PCDHA7: variants seen among roughly 807,000 people sequenced by gnomAD.
The protein encoded by PCDHA7 is protocadherin alpha-7.
A neutral mutation model predicts 57.2 loss-of-function variants in PCDHA7; 37 were observed. The ratio of observed to expected loss-of-function variants is 0.65; its 90% CI spans 0.50 to 0.85. The LOEUF (loss-of-function observed/expected upper bound fraction) is 0.85, where lower values mean the gene tolerates loss of function less well. PCDHA7 is among the 40% of genes least tolerant of loss of function. The pLI, the probability that PCDHA7 is intolerant of heterozygous loss-of-function variation, is 0.00. For synonymous variants in PCDHA7, 553 were observed against 558.8 expected (o/e 0.99, Z 0.15); for missense variants, 1,188 against 1,241.8 (o/e 0.96, Z 0.65).
In PCDHA7 at chr5:140,931,701, A is replaced by G. The variant is rs78657610; in HGVS notation, c.2356-47248A>G. Among the ~76,000 whole-genome samples the G allele has an allele frequency of 8.3e-3, 1,259 of 152,106 alleles. 10 individuals are homozygous for G. Among genetic ancestry groups the G allele is most frequent in the Non-Finnish European group, 0.014 (970 of 67,850 alleles). ...TAAATGAATTGTGATTCATAAAACC[A>G]TGAATAAAATAACTTCTATAAATAT... On this transcript the variant is annotated intron_variant, in intron 1 of 3. Coordinates refer to ENST00000525929, the MANE Select transcript of PCDHA7 (RefSeq NM_018910.3).
intron 1 of PCDHA7, chr5:140,861,392 G>A (rs2046897620): frequency 2.2e-6 from 1 of 451,822 alleles, no homozygotes; most frequent in Non-Finnish European, 4.5e-6. Context: ...ACCTGGGTCT[G>A]GAGCTTGTGG....
chr5:140,966,651 C>A, intron 1 of PCDHA7: 1 of 1,159,980 alleles, frequency 8.6e-7, no homozygotes, highest in Non-Finnish European at 1.1e-6. Flanking sequence ...AGAGCGTGAG[C>A]GGTGGGGGAG....
intron 1 of PCDHA7, among the ~76,000 whole-genome samples, chr5:140,840,978 T>C (rs1453461465): frequency 6.6e-6 from 1 of 152,022 alleles, no homozygotes; most frequent in African/African-American, 2.4e-5. Context: ...GAAGAAGAAA[T>C]CCCTAGCTGA....
In PCDHA7 at chr5:140,937,572, G is replaced by C. The variant is rs113857647; in HGVS notation, c.2356-41377G>C. On this transcript the variant is annotated intron_variant, in intron 1 of 3. Transcript: ENST00000525929. ...GCAGAGGTTGCAGTGAGCTGGGATC[G>C]CGTCACTGCACTCTAGCCTGGGCAA... Among the ~76,000 whole-genome samples, 273 of 151,500 alleles carry C rather than the reference G, an allele frequency of 1.8e-3. 1 individual carries two copies. Among genetic ancestry groups the C allele is most frequent in the African/African-American group, 6.4e-3 (263 of 41,048 alleles).
chr5:140,914,590 T>C (rs886666163), intron 1 of PCDHA7, among the ~76,000 whole-genome samples: 1 of 152,208 alleles, frequency 6.6e-6, no homozygotes, highest in African/African-American at 2.4e-5. Flanking sequence ...TTCATTTAAG[T>C]AGGAACTTCC....
At position 140,849,790 on chromosome 5, in the gene PCDHA7, C is replaced by T. The variant is rs2150450402; in HGVS notation, c.2355+13052C>T. The T allele has an allele frequency of 6.1e-5, 97 of 1,598,120 alleles. 10 individuals are homozygous for T. Among genetic ancestry groups the T allele is most frequent in the Middle Eastern group, 1.7e-4 (1 of 5,854 alleles). On this transcript the variant is annotated intron_variant, in intron 1 of 3. Transcript: ENST00000525929. The stretch of plus-strand genomic sequence containing the variant: ...GTGGTTACCGCGCGGGACGGGGGCT[C>T]GCCTTCACTGTGGGCCACGGCCAGG...
intron 1 of PCDHA7, chr5:140,843,360 C>T (rs2150358233): frequency 3.1e-6 from 5 of 1,595,970 alleles, no homozygotes; most frequent in East Asian, 2.2e-5. Context: ...AAAGCGTCAT[C>T]GAGGCAGTCG....
At chr5:140,851,058 T>G in intron 1 of PCDHA7, 1 of 1,377,986 alleles carries the variant, frequency 7.3e-7, no homozygotes, top group African/African-American at 1.5e-5. Context: ...TTGTCTTGAC[T>G]TCTAGTGAGA....
chr5:140,841,621 G>C (rs781902727), intron 1 of PCDHA7: 2 of 1,614,032 alleles, frequency 1.2e-6, no homozygotes, highest in African/African-American at 1.3e-5. Context: ...GGCGGAGCGC[G>C]GAGTGCAGCA....
chr5:140,882,485 G>C, intron 1 of PCDHA7: 3 of 1,614,106 alleles, frequency 1.9e-6, no homozygotes, highest in Non-Finnish European at 2.5e-6. Flanking sequence ...AAGACACGGG[G>C]ACCTTCTGGA....
At chr5:140,848,789 G>A in intron 1 of PCDHA7, 1 of 1,593,198 alleles carries the variant, frequency 6.3e-7, no homozygotes, top group East Asian at 2.2e-5. Flanking sequence ...TGTGCGGGCG[G>A]AGCGCGGAGT....
intron 1 of PCDHA7, among the ~76,000 whole-genome samples, chr5:140,898,600 G>A (rs2066865388): frequency 6.6e-6 from 1 of 152,184 alleles, no homozygotes; most frequent in Non-Finnish European, 1.5e-5. Context: ...TAGCCTTGTA[G>A]TATAGTTTGA....
intron 1 of PCDHA7, among the ~76,000 whole-genome samples, chr5:140,964,690 A>G (rs1554227180): frequency 2.6e-5 from 4 of 152,036 alleles, no homozygotes. Context: ...TGTGCACTTG[A>G]GAGATTAAGG....
At position 140,968,158 on chromosome 5, in the gene PCDHA7, C is replaced by T. The variant is rs191279827; in HGVS notation, c.2356-10791C>T. The T allele has an allele frequency of 3.7e-6, 6 of 1,614,124 alleles. No individual in the cohort carries two copies. The African/African-American group carries it at 4.0e-5, about 11-fold the overall frequency. On this transcript the variant is annotated intron_variant, in intron 1 of 3. Transcript: ENST00000525929. ...AGGTTGAGATCTCTGACATCAATGA[C>T]AATCCACCAAGCTTCCTGGAGGACT...
intron 1 of PCDHA7, chr5:140,870,108 C>T (rs1317421695): frequency 1.2e-6 from 2 of 1,613,788 alleles, no homozygotes; most frequent in Non-Finnish European, 1.7e-6. Context: ...ACTGTACAGT[C>T]TGGGTGGAAA....
At chr5:140,915,626 G>GTCTC (rs57920489) in intron 1 of PCDHA7, among the ~76,000 whole-genome samples, 42,931 of 146,342 alleles carry the variant, frequency 0.29, 6,396 homozygotes, top group East Asian at 0.48. Context: ...GTCTCTTTCT[G>GTCTC]TCTCTCTCTC....
At chr5:140,883,890 G>T (rs2153398485) in intron 1 of PCDHA7, 1 of 1,613,462 alleles carries the variant, frequency 6.2e-7, no homozygotes, top group Non-Finnish European at 8.5e-7. Context: ...CGCGACTCTG[G>T]CGTGCCGCCT....
At chr5:140,870,019 A>C (rs371365026) in intron 1 of PCDHA7, 6 of 1,613,574 alleles carry the variant, frequency 3.7e-6, no homozygotes, top group Non-Finnish European at 5.1e-6. Context: ...GGTCAATGGA[A>C]CTTTAGATTA....
chr5:140,928,892 T>C, intron 1 of PCDHA7: 1 of 1,614,198 alleles, frequency 6.2e-7, no homozygotes, highest in Non-Finnish European at 8.5e-7. Flanking sequence ...CTTCCAGACT[T>C]TGAAGATGTC....
Sources: allele counts gnomAD v4.1 joint callset (sites outside exome capture counted in the v4.1 genomes callset), GRCh38; gene constraint gnomAD v4.1.1; transcripts MANE v1.5; gene names NCBI Gene and HGNC (gene_info 2026-07-23, HGNC 2026-07-21).